Variants in PSD3 observed in about 807,000 individuals in gnomAD.
PSD3 encodes pleckstrin and Sec7 domain containing 3.
In PSD3, 49 loss-of-function variants were observed where a neutral mutation model predicts 105.5. That is an observed-to-expected ratio of 0.46 (90% confidence interval 0.37 to 0.59). The LOEUF is 0.59. Ranked by LOEUF, PSD3 falls within the 20% of genes least tolerant of loss-of-function variation. PSD3 has a pLI of 0.00. For synonymous variants in PSD3, 557 were observed against 457.8 expected (o/e 1.22, Z -2.77); for missense variants, 1,561 against 1,263.8 (o/e 1.24, Z -3.57).
At chr8:18,790,515 G>T (rs559183663) in intron 8 of PSD3, among the ~76,000 whole-genome samples, 8 of 152,002 alleles carry the variant, frequency 5.3e-5, no homozygotes, top group Admixed American at 2.6e-4. Flanking sequence ...TGTTAGCCAG[G>T]ATGGTCTCTA....
intron 10 of PSD3, among the ~76,000 whole-genome samples, chr8:18,645,900 G>A (rs1808002552): frequency 6.6e-6 from 1 of 152,062 alleles, no homozygotes; most frequent in South Asian, 2.1e-4. Flanking sequence ...ATGGTGAGTT[G>A]TCTCTACCTA....
chr8:18,902,688 G>C (rs1232610016), intron 2 of PSD3, among the ~76,000 whole-genome samples: 1 of 152,144 alleles, frequency 6.6e-6, no homozygotes, highest in Non-Finnish European at 1.5e-5. Flanking sequence ...CTTCAGTAGG[G>C]TTTTACTGTG....
At chr8:19,070,259 T>C (rs967420721) in intron 1 of PSD3, among the ~76,000 whole-genome samples, 4 of 152,184 alleles carry the variant, frequency 2.6e-5, no homozygotes, top group African/African-American at 9.6e-5. Flanking sequence ...GGTTTAAACC[T>C]TTTATTTTCC....
chr8:18,665,330 TG>T (rs1189613108), intron 9 of PSD3, among the ~76,000 whole-genome samples: 10 of 152,164 alleles, frequency 6.6e-5, no homozygotes, highest in African/African-American at 2.4e-4. Context: ...GGAATGACTT[TG>T]GGGGGTTTGA....
In PSD3 at chr8:19,069,778, G is replaced by T. The variant is rs190316015; in HGVS notation, c.324+14428C>A. Among the ~76,000 whole-genome samples, 458 of 152,238 alleles carry T rather than the reference G, an allele frequency of 3.0e-3. 1 individual carries two copies. Among genetic ancestry groups the T allele is most frequent in the African/African-American group, 0.011 (438 of 41,542 alleles). ...CTAGCTGGACTTCAAAACCAGAACT[G>T]ACTCTAAACTAAGGTTGTCAGATAA... is the stretch of plus-strand genomic sequence containing the variant. On this transcript the variant is annotated intron_variant, in intron 1 of 1. Transcript: ENST00000521475.
intron 8 of PSD3, among the ~76,000 whole-genome samples, chr8:18,767,691 G>C (rs1807131747): frequency 6.6e-6 from 1 of 151,664 alleles, no homozygotes; most frequent in African/African-American, 2.4e-5. Flanking sequence ...AGGATGCAGT[G>C]AGCAGAGATC....
chr8:18,774,879 C>T (rs1008027314), intron 8 of PSD3: 1 of 456,238 alleles, frequency 2.2e-6, no homozygotes, highest in Non-Finnish European at 4.4e-6. Flanking sequence ...AGCTCCTCTT[C>T]CTTCTTGCCT....
At chr8:18,960,004 CA>C (rs1823813990) in intron 1 of PSD3, among the ~76,000 whole-genome samples, 2 of 152,318 alleles carry the variant, frequency 1.3e-5, no homozygotes, top group African/African-American at 4.8e-5. Flanking sequence ...AGTCCCACTC[CA>C]ACCTGAAAAA....
chr8:19,056,896 TC>T (rs1367176697), intron 1 of PSD3, among the ~76,000 whole-genome samples: 3 of 152,272 alleles, frequency 2.0e-5, no homozygotes, highest in African/African-American at 7.2e-5. Context: ...CTCTAAAAAT[TC>T]CCTCTAATCT....
At chr8:18,865,267 TA>T (rs1563360416) in intron 4 of PSD3, 67 of 5,846 alleles carry the variant, frequency 0.011, 1 homozygote, top group Non-Finnish European at 0.016. Context: ...TATATATATA[TA>T]TATATATATA....
chr8:18,637,914 T>G (rs553372364), intron 10 of PSD3, among the ~76,000 whole-genome samples: 1 of 152,074 alleles, frequency 6.6e-6, no homozygotes, highest in Non-Finnish European at 1.5e-5. Flanking sequence ...TCCCAGCACA[T>G]TGGGAGGCCG....
At chr8:18,820,643 C>A (rs80076323) in intron 4 of PSD3, among the ~76,000 whole-genome samples, 2 of 136,694 alleles carry the variant, frequency 1.5e-5, no homozygotes, top group Non-Finnish European at 3.4e-5. Flanking sequence ...AGAGATGCAA[C>A]CATTTCTTTT....
At chr8:18,720,064 G>A (rs184699133) in intron 9 of PSD3, among the ~76,000 whole-genome samples, 14 of 152,168 alleles carry the variant, frequency 9.2e-5, no homozygotes, top group African/African-American at 2.6e-4. Context: ...AGTTATGACT[G>A]CCCCATTCTG....
At chr8:18,972,622 T>C (rs942686728) in intron 1 of PSD3, among the ~76,000 whole-genome samples, 1 of 152,180 alleles carries the variant, frequency 6.6e-6, no homozygotes. Context: ...AGGGTCTTCA[T>C]AAGGTAATTA....
intron 12 of PSD3, among the ~76,000 whole-genome samples, chr8:18,594,433 A>T (rs1328327645): frequency 5.7e-4 from 71 of 125,018 alleles, no homozygotes; most frequent in African/African-American, 2.2e-3. Flanking sequence ...ATTATATATA[A>T]TATATTATAT....
At chr8:19,011,697 CAG>C (rs1176836501) in intron 1 of PSD3, among the ~76,000 whole-genome samples, 1 of 151,690 alleles carries the variant, frequency 6.6e-6, no homozygotes, top group Non-Finnish European at 1.5e-5. Context: ...CACAAATGAA[CAG>C]TGTCAACAAA....
intron 14 of PSD3, among the ~76,000 whole-genome samples, chr8:18,567,134 A>G (rs2717720): frequency 0.082 from 12,434 of 152,266 alleles, 1,191 homozygotes; most frequent in African/African-American, 0.23. Flanking sequence ...GCTTATTATC[A>G]GCCCTCTTTA....
At chr8:18,989,219 T>C (rs904015291) in intron 1 of PSD3, 4 of 152,220 alleles carry the variant, frequency 2.6e-5, no homozygotes, top group East Asian at 1.9e-4. Context: ...CACAATGTTC[T>C]AGAAGCCATT....
In PSD3 at chr8:18,799,463, AG is replaced by A. The variant is rs1810494395; in HGVS notation, c.2024-111del. 4 of 815,294 alleles carry A rather than the reference AG, an allele frequency of 4.9e-6. No individual in the cohort carries two copies. In the Admixed American group the frequency reaches 9.1e-5, roughly 18 times the overall value. 50.5% of individuals were successfully genotyped at this position (815,294 alleles called of 1,614,324 possible). A position where few individuals can be genotyped will look rare whatever the true frequency, so the allele number is the denominator to read the frequency against. Reference sequence around the variant, plus strand: ...GAACCTATGAAAACAGTACTGTGCTAGGTACAATTAGTCCTGTTTTAAGAAA... The same window carrying A: ...GAACCTATGAAAACAGTACTGTGCTAGTACAATTAGTCCTGTTTTAAGAAA... On this transcript the variant is annotated intron_variant, in intron 7 of 15. Coordinates refer to ENST00000327040, the MANE Select transcript of PSD3 (RefSeq NM_015310.4).
Sources: gnomAD v4.1 joint callset for allele counts (sites outside exome capture counted in the v4.1 genomes callset) on GRCh38, gnomAD v4.1.1 for gene constraint, MANE v1.5 for transcripts, NCBI Gene and HGNC (gene_info 2026-07-23, HGNC 2026-07-21) for gene names.